Variants in POLE observed in about 807,000 individuals in gnomAD.
POLE encodes DNA polymerase epsilon catalytic subunit A.
POLE carries 188 observed loss-of-function variants against 279.2 expected under a neutral mutation model. The ratio of observed to expected loss-of-function variants is 0.67; its 90% CI spans 0.60 to 0.76. The LOEUF (loss-of-function observed/expected upper bound fraction) is 0.76. POLE is among the 30% of genes least tolerant of loss of function. The probability of loss-of-function intolerance (pLI) is 0.00; values close to 1 mark genes in which losing one functional copy is unlikely to be tolerated. For synonymous variants in POLE, 1,214 were observed against 1,172.5 expected, an observed-to-expected ratio of 1.04 and a Z score of -0.72; for missense variants, 2,703 against 3,016.7, an observed-to-expected ratio of 0.90 and a Z score of 2.44.
At chr12:132,632,213 T>C in intron 45 of POLE, 102 bp downstream of exon 45, 1 of 880,698 alleles carries the variant, frequency 1.1e-6, no homozygotes, top group South Asian at 1.6e-5. Context: ...CGCTAGCACG[T>C]TCATGGTGCA....
intron 23 of POLE, among the ~76,000 whole-genome samples, chr12:132,662,226 G>C (rs1191049203): frequency 6.6e-6 from 1 of 152,226 alleles, no homozygotes; most frequent in Non-Finnish European, 1.5e-5. Context: ...CCAACAGGGT[G>C]GGGAGGAAGG....
rs750207445 is a variant in POLE at position 132,675,686 on chromosome 12, C to T, written c.1106+49G>A. ...AAGCGCCCCTGCACCACGCAACGCC[C>T]TCCCTCTCAAATGCTGCCCAGTTAC... On this transcript the variant is annotated intron_variant, in intron 11 of 48. Transcript: ENST00000320574. This position sits in a 1 kb window ranked among gnomAD's most constrained non-coding sequence, Gnocchi z 4.3. 43 of 1,579,524 alleles carry T rather than the reference C, an allele frequency of 2.7e-5. No homozygotes were observed. The highest frequency in any genetic ancestry group is 3.6e-5 in the Non-Finnish European group (41 of 1,148,984).
At chr12:132,667,343 G>A (rs998820022) in intron 20 of POLE, among the ~76,000 whole-genome samples, 160 bp downstream of exon 20, 4 of 152,082 alleles carry the variant, frequency 2.6e-5, no homozygotes, top group South Asian at 4.1e-4. Flanking sequence ...TGCATCCTTC[G>A]TGGCCATCAA....
chr12:132,685,416 G>C (rs1358129080), intron 1 of POLE, among the ~76,000 whole-genome samples: 5 of 152,240 alleles, frequency 3.3e-5, no homozygotes, highest in African/African-American at 4.8e-5. Flanking sequence ...CAACCCCTAC[G>C]AGGGAGGCCA....
chr12:132,668,536 G>A lies in POLE; in HGVS notation c.2027-34C>T, dbSNP rs1183661050. 2 of 1,580,886 alleles carry A rather than the reference G, an allele frequency of 1.3e-6. No individual in the cohort carries two copies. Among genetic ancestry groups the A allele is most frequent in the African/African-American group, 1.3e-5 (1 of 74,182 alleles). On this transcript the variant is annotated intron_variant, in intron 18 of 48. Transcript: ENST00000320574. The surrounding 1 kb of genome is among the most constrained non-coding windows in gnomAD (Gnocchi z 4.0). ...GAGGCAATGGGGGCAAGTTCAAAAGGAGGCACAGACACACCGGCTTCCCAC... is the reference window on the plus strand; with the variant it reads ...GAGGCAATGGGGGCAAGTTCAAAAGAAGGCACAGACACACCGGCTTCCCAC...
chr12:132,642,485 C>T (rs763230826), intron 37 of POLE, 21 bp downstream of exon 37: 1 of 1,607,366 alleles, frequency 6.2e-7, no homozygotes, highest in South Asian at 1.1e-5. Flanking sequence ...CACTGGCCCA[C>T]AACGACAGTA....
At chr12:132,629,427 T>C (rs2041893679) in intron 45 of POLE, among the ~76,000 whole-genome samples, 1 of 152,258 alleles carries the variant, frequency 6.6e-6, no homozygotes, top group South Asian at 2.1e-4. Context: ...ATGTTGTCAG[T>C]GTAGCCACCT....
At position 132,634,151 on chromosome 12, in the gene POLE, A is replaced by G. The variant is rs942438607; in HGVS notation, c.6004+35T>C. On this transcript the variant is annotated intron_variant, in intron 43 of 48. Transcript: ENST00000320574. The surrounding 1 kb of genome is among the most constrained non-coding windows in gnomAD (Gnocchi z 4.0). ...ACATCTACTAACCATGAGTCCCTTC[A>G]GTGGGGGCTGCGCAGCCCTGGGCTC... is the stretch of plus-strand genomic sequence containing the variant. The G allele has an allele frequency of 6.4e-7, 1 of 1,555,854 alleles. No individual in the cohort carries two copies. The highest frequency in any genetic ancestry group is 1.4e-5 in the African/African-American group (1 of 73,708).
In POLE at chr12:132,661,153, A is replaced by C. The variant is rs779946587; in HGVS notation, c.2876T>G (p.Phe959Cys). The C allele has an allele frequency of 6.2e-7, 1 of 1,607,526 alleles. No individual in the cohort carries two copies. Among genetic ancestry groups the C allele is most frequent in the Non-Finnish European group, 8.5e-7 (1 of 1,177,856 alleles). Residue 959 changes from phenylalanine to cysteine, a missense_variant, in exon 25 of 49, where the codon TTC (phenylalanine) becomes TGC (cysteine). Physicochemically the swap from Phe to Cys is radical, Grantham distance 205. Transcript: ENST00000320574. The surrounding 1 kb of genome is among the most constrained non-coding windows in gnomAD (Gnocchi z 4.1). ...GKKLKKRYAVFNEDGSLAELK... is the reference protein window; with the variant it reads ...GKKLKKRYAVCNEDGSLAELK... ...CTCAGCCAGAGAACCGTCTTCATTG[A>C]ACACAGCATACCTGAAAAAAAAAAA... is the stretch of plus-strand genomic sequence containing the variant.
rs370268888 is a variant in POLE at position 132,681,236 on chromosome 12, C to A, written c.106G>T (p.Glu36Ter). 1 of 1,614,230 alleles carries A rather than the reference C, an allele frequency of 6.2e-7. No homozygotes were observed. The highest frequency in any genetic ancestry group is 2.2e-5 in the East Asian group (1 of 44,890). ...ATCTTATCCGTCCACTGACTCCGTT[C>A]CAGGCGCTTGAGTGCCGAAACTGAG... is the stretch of plus-strand genomic sequence containing the variant. ...TSSVSALKRL[E>*]RSQWTDKMDL... The change falls in exon 2 of 49, where the codon GAA (glutamate) becomes TAA (stop). Residue 36 changes from glutamate to a stop codon, truncating the protein, a stop_gained. Transcript: ENST00000320574. LOFTEE classifies it high-confidence loss of function.
chr12:132,648,772 G>C, intron 32 of POLE, 157 bp downstream of exon 32: 1 of 761,658 alleles, frequency 1.3e-6, no homozygotes, highest in Non-Finnish European at 2.1e-6. Flanking sequence ...CTCTGCCCCA[G>C]GCTCGGTGCT....
rs1296239115 is a variant in POLE, at chr12:132,639,179, T to C, written c.5498A>G (p.His1833Arg). ...RWLRSPSSLL[H>R]DPALHRTLHN... Reference sequence around the variant, plus strand: ...GAGTGTGCGGTGCAGGGCAGGGTCATGAAGCAGAGAGGATGGCGACCGAAG... The same window carrying C: ...GAGTGTGCGGTGCAGGGCAGGGTCACGAAGCAGAGAGGATGGCGACCGAAG... Residue 1833 changes from histidine (H) to arginine (R), a missense_variant, in exon 40 of 49, where the codon CAT (histidine) becomes CGT (arginine). This residue lies in a region of POLE where 1,551 missense variants were observed against 1,686.1 expected (regional missense o/e 0.92). Transcript: ENST00000320574. The surrounding 1 kb of genome is among the most constrained non-coding windows in gnomAD (Gnocchi z 4.7). 1.2e-6 allele frequency: 2 copies of C among 1,614,082 alleles called. No individual in the cohort carries two copies. The highest frequency in any genetic ancestry group is 1.7e-6 in the Non-Finnish European group (2 of 1,179,988).
rs5744760 is a variant in POLE at position 132,676,107 on chromosome 12, T to C, written c.1007A>G (p.Asn336Ser). Residue 336 changes from asparagine (N) to serine (S), a missense_variant, in exon 10 of 49, where the codon AAT becomes AGT. This residue lies in a region of POLE where 1,011 missense variants were observed against 1,111.7 expected (regional missense o/e 0.91). Transcript: ENST00000320574. ...PEYEGPFCVFNEPDEAHLIQR... is the reference protein window; with the variant it reads ...PEYEGPFCVFSEPDEAHLIQR... ...ATACCTCCTTACCTCATCGGGTTCA[T>C]TGAAGACACAAAAGGGGCCTTCATA... 1.4e-3 allele frequency: 2,269 copies of C among 1,604,600 alleles called. 23 individuals are homozygous for C. The African/African-American group carries it at 0.026, about 18-fold the overall frequency.
At chr12:132,662,289 A>G (rs552317755) in intron 23 of POLE, among the ~76,000 whole-genome samples, 1 of 152,356 alleles carries the variant, frequency 6.6e-6, no homozygotes, top group East Asian at 1.9e-4. Flanking sequence ...AACAAAAGTA[A>G]CTATCTACAA....
intron 12 of POLE, among the ~76,000 whole-genome samples, chr12:132,674,297 C>T (rs1025407846): frequency 2.6e-5 from 4 of 152,102 alleles, no homozygotes; most frequent in Admixed American, 6.5e-5. Flanking sequence ...GTCTCCACCC[C>T]CCGCAGCCTC....
At chr12:132,635,307 C>G (rs973381178) in intron 42 of POLE, among the ~76,000 whole-genome samples, 1 of 152,240 alleles carries the variant, frequency 6.6e-6, no homozygotes. Flanking sequence ...CCCCTTGGCT[C>G]CACTTCAAAG....
rs1555221929 is a variant in POLE at position 132,639,253 on chromosome 12, C to T, written c.5424G>A (p.Gln1808=). ...GGTTGTCTGCATAGATGTTGTGGTA[C>T]TGGGTGATCTCCTTCACCCAGCCCA... ...MVVGWVKEIT[Q]YHNIYADNQV... Residue 1808 remains glutamine (Q), a synonymous_variant, in exon 40 of 49, where the codon CAG becomes CAA. Coordinates refer to ENST00000320574, the MANE Select transcript of POLE (RefSeq NM_006231.4). The surrounding 1 kb of genome is among the most constrained non-coding windows in gnomAD (Gnocchi z 4.7). 1.9e-6 allele frequency: 3 copies of T among 1,614,148 alleles called. No homozygotes were observed. The highest frequency in any genetic ancestry group is 2.5e-6 in the Non-Finnish European group (3 of 1,180,008).
At chr12:132,654,162 G>C (rs1007099873) in intron 29 of POLE, among the ~76,000 whole-genome samples, 1 of 150,992 alleles carries the variant, frequency 6.6e-6, no homozygotes, top group African/African-American at 2.5e-5. Context: ...AATGAGCTAA[G>C]GGTTTTTTTT....
At chr12:132,651,451 C>T (rs1347812855) in intron 29 of POLE, 1 of 152,252 alleles carries the variant, frequency 6.6e-6, no homozygotes, top group Non-Finnish European at 1.5e-5. Flanking sequence ...CACAATCTTG[C>T]TACTTGATGC....
Sources: allele counts gnomAD v4.1 joint callset (sites outside exome capture counted in the v4.1 genomes callset), GRCh38; gene constraint gnomAD v4.1.1; regional missense constraint gnomAD v4.1.1; non-coding constraint Gnocchi (gnomAD v3.1); transcripts MANE v1.5; gene names NCBI Gene and HGNC (gene_info 2026-07-23, HGNC 2026-07-21).